Variants in NEDD4L observed in about 807,000 individuals in gnomAD.
NEDD4L encodes the protein NEDD4 like E3 ubiquitin protein ligase, also known as E3 ubiquitin-protein ligase NEDD4-like.
NEDD4L carries 54 observed loss-of-function variants against 148.9 expected under a neutral mutation model. The ratio of observed to expected loss-of-function variants is 0.36; its 90% CI spans 0.29 to 0.45. The LOEUF (loss-of-function observed/expected upper bound fraction) is 0.45. Among genes scored for constraint, NEDD4L ranks in the 20% least tolerant of loss-of-function variants. The pLI, the probability that NEDD4L is intolerant of heterozygous loss-of-function variation, is 1.00. For missense variants in NEDD4L, 856 were observed against 1,233.8 expected (o/e 0.69, Z 4.59); for synonymous variants, 433 against 440.7 (o/e 0.98, Z 0.22).
intron 5 of NEDD4L, among the ~76,000 whole-genome samples, chr18:58,273,362 G>A (rs940697025): frequency 1.3e-5 from 2 of 152,150 alleles, no homozygotes; most frequent in African/African-American, 4.8e-5. Context: ...GAAAAACAAA[G>A]ACTAGTATGT....
At chr18:58,373,146 G>C (rs773879297) in intron 23 of NEDD4L, 28 bp from the exon 24 acceptor site, 1 of 1,326,664 alleles carries the variant, frequency 7.5e-7, no homozygotes, top group Non-Finnish European at 1.1e-6. Context: ...AAAAAATGCT[G>C]AATTTTCACT....
At chr18:58,337,776 C>T (rs374296511) in intron 13 of NEDD4L, among the ~76,000 whole-genome samples, 4 of 152,134 alleles carry the variant, frequency 2.6e-5, no homozygotes, top group Non-Finnish European at 4.4e-5. Context: ...CTGAAGTAAC[C>T]GTCCTGATAT....
intron 2 of NEDD4L, among the ~76,000 whole-genome samples, chr18:58,208,498 G>T (rs2042192170): frequency 6.6e-6 from 1 of 152,134 alleles, no homozygotes; most frequent in African/African-American, 2.4e-5. Flanking sequence ...GATTTTATTC[G>T]AGTGTCATTT....
intron 1 of NEDD4L, among the ~76,000 whole-genome samples, chr18:58,151,177 G>A (rs2034682989): frequency 6.6e-6 from 1 of 152,130 alleles, no homozygotes; most frequent in Non-Finnish European, 1.5e-5. Flanking sequence ...CTATAGACGG[G>A]TCTGTCTGGT....
At chr18:58,286,962 A>G (rs1441857241) in intron 5 of NEDD4L, among the ~76,000 whole-genome samples, 1 of 152,250 alleles carries the variant, frequency 6.6e-6, no homozygotes, top group Non-Finnish European at 1.5e-5. Context: ...TTCTTTGACC[A>G]TAATTATATA....
At chr18:58,380,244 T>A (rs1450082084) in intron 24 of NEDD4L, among the ~76,000 whole-genome samples, 1 of 144,306 alleles carries the variant, frequency 6.9e-6, no homozygotes, top group East Asian at 2.0e-4. Context: ...ACAAAACAGA[T>A]TTTTTTTTTT....
At chr18:58,321,980 A>C (rs1051504457) in intron 6 of NEDD4L, among the ~76,000 whole-genome samples, 2 of 152,212 alleles carry the variant, frequency 1.3e-5, no homozygotes, top group Non-Finnish European at 2.9e-5. Flanking sequence ...CAATTCTCTT[A>C]GGCTGATGTT....
At chr18:58,362,042 G>A (rs894692149) in intron 19 of NEDD4L, among the ~76,000 whole-genome samples, 2 of 152,214 alleles carry the variant, frequency 1.3e-5, no homozygotes, top group African/African-American at 4.8e-5. Flanking sequence ...GATAATGAAT[G>A]CAAGAGGAAG....
intron 18 of NEDD4L, among the ~76,000 whole-genome samples, chr18:58,351,697 C>T (rs987392166): frequency 4.6e-5 from 7 of 152,074 alleles, no homozygotes; most frequent in Admixed American, 3.9e-4. Flanking sequence ...CCATGTTCTT[C>T]ATGGAATCAT....
intron 2 of NEDD4L, among the ~76,000 whole-genome samples, chr18:58,237,527 T>G (rs1313356577): frequency 1.3e-5 from 2 of 152,180 alleles, no homozygotes; most frequent in East Asian, 3.8e-4. Context: ...TTTCAGTAAT[T>G]TATAGGTGAA....
chr18:58,262,473 A>G (rs978542281), intron 5 of NEDD4L, among the ~76,000 whole-genome samples: 7 of 152,098 alleles, frequency 4.6e-5, no homozygotes, highest in African/African-American at 1.7e-4. Flanking sequence ...TACAAAAAAT[A>G]CAAAAGCTAG....
intron 5 of NEDD4L, among the ~76,000 whole-genome samples, chr18:58,291,153 C>T (rs919366345): frequency 6.7e-6 from 1 of 149,682 alleles, no homozygotes; most frequent in African/African-American, 2.4e-5. Flanking sequence ...GGCCGACCAG[C>T]CCACATGGTC....
At chr18:58,377,035 T>C (rs1354995132) in intron 24 of NEDD4L, among the ~76,000 whole-genome samples, 5 of 152,222 alleles carry the variant, frequency 3.3e-5, no homozygotes, top group African/African-American at 4.8e-5. Flanking sequence ...CAGACGACTT[T>C]GCATTTGTCT....
At chr18:58,119,168 C>G (rs1426994292) in intron 1 of NEDD4L, among the ~76,000 whole-genome samples, 1 of 152,190 alleles carries the variant, frequency 6.6e-6, no homozygotes, top group East Asian at 1.9e-4. Context: ...CCAACCTTAC[C>G]CCTCATGCCC....
intron 24 of NEDD4L, among the ~76,000 whole-genome samples, chr18:58,379,592 A>G (rs1270479267): frequency 3.9e-5 from 6 of 152,086 alleles, no homozygotes; most frequent in Admixed American, 2.6e-4. Flanking sequence ...CGCCTCTCCA[A>G]CCCCCATGGA....
intron 2 of NEDD4L, among the ~76,000 whole-genome samples, chr18:58,204,683 G>A (rs1313228209): frequency 6.6e-6 from 1 of 152,168 alleles, no homozygotes; most frequent in East Asian, 1.9e-4. Flanking sequence ...AATTGCTTAT[G>A]TTTCTGAGCT....
Position 58,396,367 on chromosome 18 carries a change from G to A in NEDD4L, c.*98G>A. ...TTTGCAGAGGCGATGGCAGAGAGCA[G>A]CTGCAGGCATGGTCCCTGGAGCCGA... On this transcript the variant is annotated 3_prime_UTR_variant, in exon 31 of 31. Transcript: ENST00000400345. 1 of 786,330 alleles carries A rather than the reference G, an allele frequency of 1.3e-6. No homozygotes were observed. Among genetic ancestry groups the A allele is most frequent in the South Asian group, 1.5e-5 (1 of 65,110 alleles). The allele number at this position is 786,330 out of a possible 1,614,324, so 48.7% of individuals were successfully genotyped here. A position where few individuals can be genotyped will look rare whatever the true frequency, so the allele number is the denominator to read the frequency against.
At chr18:58,213,872 G>A (rs771422612) in intron 2 of NEDD4L, among the ~76,000 whole-genome samples, 11 of 152,114 alleles carry the variant, frequency 7.2e-5, no homozygotes, top group African/African-American at 9.7e-5. Flanking sequence ...CTGAGACCCC[G>A]TTTGCCTGCC....
At chr18:58,229,084 C>G (rs1051087207) in intron 2 of NEDD4L, among the ~76,000 whole-genome samples, 4 of 152,148 alleles carry the variant, frequency 2.6e-5, no homozygotes, top group Non-Finnish European at 5.9e-5. Flanking sequence ...CTTTGCTAAC[C>G]ATGGAAGAGG....
Sources: allele counts gnomAD v4.1 joint callset (sites outside exome capture counted in the v4.1 genomes callset), GRCh38; gene constraint gnomAD v4.1.1; transcripts MANE v1.5; gene names NCBI Gene and HGNC (gene_info 2026-07-23, HGNC 2026-07-21).